SLC1A6: variants seen among roughly 807,000 people sequenced by gnomAD.
SLC1A6 encodes solute carrier family 1 member 6.
SLC1A6 carries 15 observed loss-of-function variants against 42.1 expected under a neutral mutation model. That is an observed-to-expected ratio of 0.36 (90% confidence interval 0.24 to 0.55). The LOEUF (loss-of-function observed/expected upper bound fraction) is 0.55. Ranked by LOEUF, SLC1A6 falls within the 20% of genes least tolerant of loss-of-function variation. The probability of loss-of-function intolerance (pLI) is 0.88; values close to 1 mark genes in which losing one functional copy is unlikely to be tolerated. For synonymous variants in SLC1A6, 317 were observed against 319.7 expected (o/e 0.99, Z 0.09); for missense variants, 542 against 772.5 (o/e 0.70, Z 3.54).
At chr19:15,010,504 A>T (rs1177733162) in exon 1 of SLC1A6, 1 of 573,680 alleles carries the variant, frequency 1.7e-6, no homozygotes, top group East Asian at 3.9e-5. Flanking sequence ...ACAGAGTGTG[A>T]CCTGGACAGC....
chr19:14,981,969 G>A (rs2045770415), upstream of SLC1A6, among the ~76,000 whole-genome samples: 1 of 151,956 alleles, frequency 6.6e-6, no homozygotes, highest in Non-Finnish European at 1.5e-5. Flanking sequence ...TTGAATCTGG[G>A]ACCGCTTGAG....
chr19:15,009,976 G>C (rs767463096), intron 1 of SLC1A6, among the ~76,000 whole-genome samples: 1 of 151,316 alleles, frequency 6.6e-6, no homozygotes, highest in Non-Finnish European at 1.5e-5. Flanking sequence ...TCAGGAGTTC[G>C]AGACCAGCCT....
Position 14,979,050 on chromosome 19 carries a change from T to TCACACACACACACACACACACA in SLC1A6, c.-8+237_-8+258dup, listed in dbSNP as rs56317513. ...CAAATTCAGTCTCTCTCTCTCTCTG[T>TCACACACACACACACACACACA]CACACACACACACACACACACACAC... On this transcript the variant is annotated intron_variant, in intron 1 of 9. Transcript: ENST00000594383. This position sits in a 1 kb window ranked among gnomAD's most constrained non-coding sequence, Gnocchi z 4.2. 7.6e-6 allele frequency among the ~76,000 whole-genome samples: 1 copy of TCACACACACACACACACACACA among 131,298 alleles called. No homozygotes were observed. The highest frequency in any genetic ancestry group is 2.4e-4 in the East Asian group (1 of 4,170). 86.1% of individuals were successfully genotyped at this position (131,298 alleles called of 152,430 possible).
chr19:15,006,908 G>A (rs142379417), intron 1 of SLC1A6, among the ~76,000 whole-genome samples: 25 of 152,228 alleles, frequency 1.6e-4, no homozygotes, highest in East Asian at 1.5e-3. Flanking sequence ...AGCCATGATC[G>A]TGCTACTGCA....
At chr19:14,984,368 G>A (rs1568297849), upstream of SLC1A6, among the ~76,000 whole-genome samples, 1 of 151,868 alleles carries the variant, frequency 6.6e-6, no homozygotes, top group Non-Finnish European at 1.5e-5. Context: ...CAACTTCATA[G>A]AATATAACTA....
intron 4 of SLC1A6, among the ~76,000 whole-genome samples, chr19:14,966,374 T>C (rs1234314051): frequency 3.3e-5 from 5 of 151,744 alleles, no homozygotes; most frequent in African/African-American, 9.7e-5. Flanking sequence ...CACCTGTAAT[T>C]CCAGCTACTC....
At chr19:14,969,128 C>T (rs2045608469) in intron 3 of SLC1A6, among the ~76,000 whole-genome samples, 1 of 152,228 alleles carries the variant, frequency 6.6e-6, no homozygotes, top group African/African-American at 2.4e-5. Flanking sequence ...GCATGAGCCA[C>T]TGCGCCTGGC....
intron 3 of SLC1A6, 130 bp downstream of exon 3, chr19:14,971,607 C>T: frequency 1.1e-6 from 1 of 920,618 alleles, no homozygotes; most frequent in Non-Finnish European, 1.6e-6. Context: ...GACGCTGGAC[C>T]AGACACAGGC....
chr19:14,973,087 G>T, intron 1 of SLC1A6, 170 bp from the exon 2 acceptor site: 1 of 593,348 alleles, frequency 1.7e-6, no homozygotes. Flanking sequence ...GGGAGGCAGA[G>T]GCAGGAGAAT....
At chr19:14,977,847 A>C (rs1169903569) in intron 1 of SLC1A6, 6 of 152,204 alleles carry the variant, frequency 3.9e-5, no homozygotes, top group Admixed American at 3.9e-4. Context: ...GGTTGATAAA[A>C]AGCAGAAACC....
At chr19:14,973,893 G>C (rs2045673657) in intron 1 of SLC1A6, 1 of 152,324 alleles carries the variant, frequency 6.6e-6, no homozygotes, top group African/African-American at 2.4e-5. Flanking sequence ...GGGGAGTCAG[G>C]AGAGCGGGGA....
intron 6 of SLC1A6, among the ~76,000 whole-genome samples, chr19:14,956,945 A>T (rs917731842): frequency 1.3e-5 from 2 of 152,054 alleles, no homozygotes; most frequent in Non-Finnish European, 2.9e-5. Flanking sequence ...ATGGTAGAAA[A>T]GTTCCTACAA....
At chr19:14,953,869 A>T (rs1178264700) in intron 8 of SLC1A6, among the ~76,000 whole-genome samples, 2 of 152,220 alleles carry the variant, frequency 1.3e-5, no homozygotes, top group Admixed American at 6.5e-5. Context: ...TGCACCAGCC[A>T]TGCTTTGGAA....
intron 1 of SLC1A6, among the ~76,000 whole-genome samples, chr19:14,996,941 G>T (rs1264156220): frequency 6.6e-6 from 1 of 152,096 alleles, no homozygotes; most frequent in African/African-American, 2.4e-5. Context: ...TTCCTTGGAG[G>T]ATCTGGTGGG....
chr19:14,952,869 A>G, intron 9 of SLC1A6, 59 bp downstream of exon 9: 2 of 1,561,792 alleles, frequency 1.3e-6, no homozygotes, highest in South Asian at 1.2e-5. Flanking sequence ...AGGACGTTGC[A>G]GGGGAAAGCA....
At chr19:14,971,963 G>A in intron 2 of SLC1A6, 89 bp from the exon 3 acceptor site, 1 of 1,329,122 alleles carries the variant, frequency 7.5e-7, no homozygotes, top group South Asian at 1.3e-5. Flanking sequence ...GTAGGGCAAG[G>A]GTGGGAGTGA....
At chr19:14,958,929 T>G (rs560805379) in intron 6 of SLC1A6, among the ~76,000 whole-genome samples, 1 of 152,248 alleles carries the variant, frequency 6.6e-6, no homozygotes, top group Non-Finnish European at 1.5e-5. Flanking sequence ...CTCAAGTTCC[T>G]TATATGAAGA....
chr19:14,972,750 C>T lies in SLC1A6; in HGVS notation c.161G>A (p.Arg54His), dbSNP rs755208997. 1.2e-6 allele frequency: 2 copies of T among 1,614,030 alleles called. No homozygotes were observed. Among genetic ancestry groups the T allele is most frequent in the Admixed American group, 1.7e-5 (1 of 60,024 alleles). The change falls in exon 2 of 10, where the codon CGC becomes CAC. Residue 54 changes from arginine to histidine, a missense_variant. Transcript: ENST00000594383. The stretch of plus-strand genomic sequence containing the variant: ...CGTCAGCAGAATGAAGGCGTTTCGG[C>T]GCAGGAAGCGCAGCACGTGCTCGAG... ...MTLEHVLRFL[R>H]RNAFILLTVS...
At chr19:14,970,935 T>C (rs148856735) in intron 3 of SLC1A6, among the ~76,000 whole-genome samples, 2 of 152,032 alleles carry the variant, frequency 1.3e-5, no homozygotes, top group African/African-American at 4.8e-5. Flanking sequence ...ATCGATATCA[T>C]CCTGACCAAT....
Sources: gnomAD v4.1 joint callset for allele counts (sites outside exome capture counted in the v4.1 genomes callset) on GRCh38, gnomAD v4.1.1 for gene constraint, Gnocchi (gnomAD v3.1) non-coding constraint, MANE v1.5 for transcripts, NCBI Gene and HGNC (gene_info 2026-07-23, HGNC 2026-07-21) for gene names.